Variants in FERRY3 observed in about 807,000 individuals in gnomAD.
FERRY3 encodes the protein protein C12orf4.
the FERRY3 span, chr12:4,533,982 G>C: frequency 1.9e-6 from 1 of 538,650 alleles, no homozygotes; most frequent in South Asian, 5.1e-5. Context: ...ATAGCATTTT[G>C]TCTTATGTGC....
chr12:4,500,777 C>T, the FERRY3 span, among the ~76,000 whole-genome samples: 1,787 of 152,204 alleles, frequency 0.012, 39 homozygotes, highest in African/African-American at 0.04. Flanking sequence ...CTCAGCCTCT[C>T]GAGTAGCTGG....
At chr12:4,502,230 TAA>T in the FERRY3 span, 81 of 334,830 alleles carry the variant, frequency 2.4e-4, no homozygotes, top group African/African-American at 1.5e-3. This position sits in a 1 kb window ranked among gnomAD's most constrained non-coding sequence, Gnocchi z 4.2. Context: ...CATATTATGT[TAA>T]AGAGACCACT....
chr12:4,513,638 T>C, the FERRY3 span, among the ~76,000 whole-genome samples: 1 of 152,078 alleles, frequency 6.6e-6, no homozygotes. Context: ...AAACAAGCAA[T>C]GGGGAAAGGA....
the FERRY3 span, among the ~76,000 whole-genome samples, chr12:4,515,244 A>G: frequency 3.9e-5 from 6 of 152,348 alleles, no homozygotes; most frequent in Non-Finnish European, 7.3e-5. Context: ...AACTTTTTCA[A>G]TAGCTTTAAA....
the FERRY3 span, chr12:4,534,185 G>A: frequency 3.7e-6 from 6 of 1,608,662 alleles, no homozygotes; most frequent in African/African-American, 4.0e-5. Context: ...CCATGTACTC[G>A]CCAGCTGATG....
At chr12:4,495,156 G>C in the FERRY3 span, among the ~76,000 whole-genome samples, 1 of 151,486 alleles carries the variant, frequency 6.6e-6, no homozygotes, top group Non-Finnish European at 1.5e-5. Context: ...ATGTTCAGTT[G>C]TTTCTGCTGA....
chr12:4,526,857 G>A, the FERRY3 span, among the ~76,000 whole-genome samples: 2 of 151,122 alleles, frequency 1.3e-5, no homozygotes, highest in African/African-American at 4.9e-5. Flanking sequence ...AAAAAAAAGG[G>A]TGAATTTATA....
At chr12:4,521,501 C>T in the FERRY3 span, among the ~76,000 whole-genome samples, 2 of 152,006 alleles carry the variant, frequency 1.3e-5, no homozygotes, top group African/African-American at 4.8e-5. Flanking sequence ...AAGAAAGGGA[C>T]TTTCAAAAAA....
At chr12:4,518,387 C>G in the FERRY3 span, 2 of 734,692 alleles carry the variant, frequency 2.7e-6, no homozygotes, top group Admixed American at 2.9e-5. Flanking sequence ...GGCCTTGCAA[C>G]TTCCCATTTT....
At chr12:4,517,684 A>AATATATATATATAT in the FERRY3 span, among the ~76,000 whole-genome samples, 3 of 140,554 alleles carry the variant, frequency 2.1e-5, no homozygotes, top group African/African-American at 7.9e-5. Flanking sequence ...AGGTTATTAA[A>AATATATATATATAT]ATATATATAT....
chr12:4,496,950 G>T, the FERRY3 span, among the ~76,000 whole-genome samples: 1 of 152,096 alleles, frequency 6.6e-6, no homozygotes, highest in Non-Finnish European at 1.5e-5. Flanking sequence ...AACAGCATAG[G>T]TACAACCACT....
At chr12:4,511,205 A>G in the FERRY3 span, among the ~76,000 whole-genome samples, 1 of 151,842 alleles carries the variant, frequency 6.6e-6, no homozygotes, top group Non-Finnish European at 1.5e-5. Flanking sequence ...CTAAATATAT[A>G]TGCACTCAAT....
the FERRY3 span, chr12:4,490,466 G>A: frequency 7.2e-7 from 1 of 1,382,168 alleles, no homozygotes; most frequent in Non-Finnish European, 9.9e-7. Context: ...AGCTGTATCT[G>A]TGAGAAATCT....
At chr12:4,511,523 A>C in the FERRY3 span, among the ~76,000 whole-genome samples, 37 of 149,568 alleles carry the variant, frequency 2.5e-4, no homozygotes, top group Non-Finnish European at 2.8e-4. Context: ...AAAGAACAGA[A>C]ATTATAACAA....
chr12:4,494,123 G>A, the FERRY3 span, among the ~76,000 whole-genome samples: 3 of 151,792 alleles, frequency 2.0e-5, no homozygotes, highest in Admixed American at 6.6e-5. Context: ...AATGTCTACC[G>A]CTACGGAGCA....
the FERRY3 span, among the ~76,000 whole-genome samples, chr12:4,508,041 T>C: frequency 6.6e-6 from 1 of 152,206 alleles, no homozygotes; most frequent in South Asian, 2.1e-4. Flanking sequence ...ATTAAAAACA[T>C]ATAAACTATT....
chr12:4,490,804 A>G, the FERRY3 span, among the ~76,000 whole-genome samples: 2 of 152,190 alleles, frequency 1.3e-5, no homozygotes, highest in East Asian at 1.9e-4. Context: ...TTTTGTCAAC[A>G]TGCTCTTATT....
the FERRY3 span, chr12:4,538,439 G>C: frequency 6.0e-6 from 1 of 166,222 alleles, no homozygotes; most frequent in Non-Finnish European, 1.3e-5. Context: ...TGGGCAGTCC[G>C]CTCACTCGAG....
the FERRY3 span, among the ~76,000 whole-genome samples, chr12:4,527,677 C>G: frequency 6.6e-6 from 1 of 152,218 alleles, no homozygotes; most frequent in Non-Finnish European, 1.5e-5. Flanking sequence ...TCATACTGTT[C>G]ACCTTTGCAA....
Sources: gnomAD v4.1 joint callset for allele counts (sites outside exome capture counted in the v4.1 genomes callset) on GRCh38, gnomAD v4.1.1 for gene constraint, Gnocchi (gnomAD v3.1) non-coding constraint, MANE v1.5 for transcripts, NCBI Gene and HGNC (gene_info 2026-07-23, HGNC 2026-07-21) for gene names.